KCNAB1: variants seen among roughly 807,000 people sequenced by gnomAD.
The protein encoded by KCNAB1 is potassium voltage-gated channel subfamily A regulatory beta subunit 1.
KCNAB1 carries 35 observed loss-of-function variants against 64.6 expected under a neutral mutation model. That is an observed-to-expected ratio of 0.54 (90% CI 0.41 to 0.72). The LOEUF is 0.72. Ranked by LOEUF, KCNAB1 falls within the 30% of genes least tolerant of loss-of-function variation. The pLI is 0.00. For missense variants in KCNAB1, 401 were observed against 512.9 expected (o/e 0.78, Z 2.11); for synonymous variants, 177 against 183.8 (o/e 0.96, Z 0.30).
chr3:156,394,691 C>A (rs986518138), intron 1 of KCNAB1, among the ~76,000 whole-genome samples: 4 of 152,262 alleles, frequency 2.6e-5, no homozygotes, highest in African/African-American at 9.6e-5. Flanking sequence ...ATGTTACCCT[C>A]AGCACATGTC....
chr3:156,180,530 A>T (rs1469597675), intron 1 of KCNAB1, among the ~76,000 whole-genome samples: 1 of 152,228 alleles, frequency 6.6e-6, no homozygotes, highest in Non-Finnish European at 1.5e-5. Context: ...AAAAAAAATT[A>T]TGACATGTTT....
At chr3:156,504,823 T>C (rs1716724304) in intron 8 of KCNAB1, among the ~76,000 whole-genome samples, 2 of 149,866 alleles carry the variant, frequency 1.3e-5, no homozygotes, top group Non-Finnish European at 3.0e-5. Context: ...GTTAGATGAA[T>C]AATTCACAAA....
chr3:156,297,259 CTTTTTTTTTT>C (rs71141704), intron 1 of KCNAB1, among the ~76,000 whole-genome samples: 1 of 96,470 alleles, frequency 1.0e-5, no homozygotes, highest in Non-Finnish European at 2.3e-5. Flanking sequence ...TTGAGGTTGG[CTTTTTTTTTT>C]TTTTTTTTTT....
At chr3:156,175,720 T>G in intron 1 of KCNAB1, 1 of 534,940 alleles carries the variant, frequency 1.9e-6, no homozygotes, top group Non-Finnish European at 3.6e-6. Flanking sequence ...CAGTGGTTTT[T>G]GGAATATGGC....
chr3:156,333,913 G>A (rs1021934351), intron 1 of KCNAB1, among the ~76,000 whole-genome samples: 1 of 151,682 alleles, frequency 6.6e-6, no homozygotes, highest in African/African-American at 2.4e-5. Context: ...TCAATTAGTT[G>A]TTGGTCTTTT....
At chr3:156,520,599 G>A (rs1717879934) in intron 11 of KCNAB1, among the ~76,000 whole-genome samples, 1 of 152,010 alleles carries the variant, frequency 6.6e-6, no homozygotes, top group Non-Finnish European at 1.5e-5. Context: ...ACAAAATTAT[G>A]TACCCCTCTG....
intron 1 of KCNAB1, among the ~76,000 whole-genome samples, chr3:156,193,110 GATTA>G (rs1367936055): frequency 2.6e-5 from 4 of 151,650 alleles, no homozygotes; most frequent in African/African-American, 9.7e-5. Flanking sequence ...CTTCTTTATG[GATTA>G]ATTATATTTT....
intron 1 of KCNAB1, among the ~76,000 whole-genome samples, chr3:156,159,824 A>G (rs886768176): frequency 2.0e-5 from 3 of 152,208 alleles, no homozygotes; most frequent in Non-Finnish European, 2.9e-5. Flanking sequence ...TTCTCTTTGC[A>G]CAATAGAATT....
At chr3:156,424,676 C>G (rs1715698226) in intron 2 of KCNAB1, among the ~76,000 whole-genome samples, 1 of 152,184 alleles carries the variant, frequency 6.6e-6, no homozygotes, top group Admixed American at 6.5e-5. Flanking sequence ...ACAGAAAACT[C>G]AGCTGAAAGC....
chr3:156,188,802 G>A (rs1713372850), intron 1 of KCNAB1, among the ~76,000 whole-genome samples: 1 of 152,108 alleles, frequency 6.6e-6, no homozygotes. Context: ...TATACCCTGA[G>A]GCCTTGGAAG....
At chr3:156,262,117 A>G (rs1015168012) in intron 1 of KCNAB1, among the ~76,000 whole-genome samples, 1 of 151,940 alleles carries the variant, frequency 6.6e-6, no homozygotes, top group African/African-American at 2.4e-5. Context: ...GAGACTTTCT[A>G]CATAACAGAT....
Position 156,469,967 on chromosome 3 carries a change from T to C in KCNAB1, c.571+4281T>C, listed in dbSNP as rs146234270. 1.3e-4 allele frequency among the ~76,000 whole-genome samples: 20 copies of C among 152,338 alleles called. No individual in the cohort carries two copies. In the East Asian group the frequency reaches 3.3e-3, roughly 25 times the overall value. On this transcript the variant is annotated intron_variant, in intron 7 of 13. Transcript: ENST00000490337. The stretch of plus-strand genomic sequence containing the variant: ...GACCTCACTCGACATTGGAGATTTG[T>C]ATACAAATTAAATTAGAGAAGTACC...
chr3:156,481,180 A>G (rs1714769369), intron 8 of KCNAB1, among the ~76,000 whole-genome samples: 1 of 152,074 alleles, frequency 6.6e-6, no homozygotes, highest in Non-Finnish European at 1.5e-5. Flanking sequence ...ATGAGCAGAA[A>G]TGAATAAAGG....
At chr3:156,229,004 C>A (rs867900138) in intron 1 of KCNAB1, among the ~76,000 whole-genome samples, 1 of 152,140 alleles carries the variant, frequency 6.6e-6, no homozygotes, top group African/African-American at 2.4e-5. Context: ...AGACATACCC[C>A]AGAGGCATCA....
chr3:156,513,541 AT>A (rs1717358527), intron 8 of KCNAB1, among the ~76,000 whole-genome samples: 2 of 152,188 alleles, frequency 1.3e-5, no homozygotes, highest in African/African-American at 4.8e-5. Flanking sequence ...CTGTCTGTGA[AT>A]TTTAACTAAG....
intron 1 of KCNAB1, among the ~76,000 whole-genome samples, chr3:156,306,226 G>A (rs1219469695): frequency 3.3e-5 from 5 of 151,748 alleles, no homozygotes; most frequent in Admixed American, 6.6e-5. Context: ...CACAGAAGGA[G>A]CTGAGTTTTC....
intron 1 of KCNAB1, among the ~76,000 whole-genome samples, chr3:156,153,134 C>A (rs185309209): frequency 1.8e-3 from 276 of 152,158 alleles, no homozygotes; most frequent in African/African-American, 5.6e-3. Context: ...AACAAATAAA[C>A]CTTCAATGTT....
chr3:156,384,270 A>T (rs1174936277), intron 1 of KCNAB1, among the ~76,000 whole-genome samples: 2 of 152,234 alleles, frequency 1.3e-5, no homozygotes, highest in Non-Finnish European at 1.5e-5. Context: ...TTTACAAGAT[A>T]TTATGAAGTG....
chr3:156,334,353 T>C (rs1205949191), intron 1 of KCNAB1, among the ~76,000 whole-genome samples: 3 of 152,190 alleles, frequency 2.0e-5, no homozygotes, highest in Non-Finnish European at 4.4e-5. Context: ...ATGAATGTGT[T>C]GATAGAATGA....
Sources: gnomAD v4.1 joint callset for allele counts (sites outside exome capture counted in the v4.1 genomes callset) on GRCh38, gnomAD v4.1.1 for gene constraint, MANE v1.5 for transcripts, NCBI Gene and HGNC (gene_info 2026-07-23, HGNC 2026-07-21) for gene names.